The following OBP2A variants were observed in gnomAD, a reference collection of about 807,000 sequenced individuals.
OBP2A encodes the protein odorant-binding protein 2a.
A neutral mutation model predicts 21.9 loss-of-function variants in OBP2A; 15 were observed. That is an observed-to-expected ratio of 0.69 (90% confidence interval 0.46 to 1.06). The LOEUF (loss-of-function observed/expected upper bound fraction) is 1.06, where lower values mean the gene tolerates loss of function less well. OBP2A is among the 50% of genes least tolerant of loss of function. The pLI is 0.00. For missense variants in OBP2A, 192 were observed against 220.1 expected (o/e 0.87, Z 0.81); for synonymous variants, 86 against 91.8 (o/e 0.94, Z 0.36).
Position 135,547,942 on chromosome 9 carries a change from C to A in OBP2A, c.349C>A (p.Gln117Lys). Residue 117 changes from glutamine (Q) to lysine (K), a missense_variant, in exon 4 of 7, where the codon CAG becomes AAG. Physicochemically the swap from Gln to Lys is moderately conservative, Grantham distance 53 (BLOSUM62 1). Coordinates refer to ENST00000371776, the MANE Select transcript of OBP2A (RefSeq NM_014582.3). ...TDDYVFYCKD[Q>K]RRGGLRYMGK... ...CGACTACGTCTTTTACTGCAAAGAC[C>A]AGCGCCGTGGGGGCCTGCGCTACAT... 1.9e-6 allele frequency: 3 copies of A among 1,613,376 alleles called. No homozygotes were observed. The highest frequency in any genetic ancestry group is 2.5e-6 in the Non-Finnish European group (3 of 1,179,586).
At chr9:135,546,541 C>T (rs952973081) in intron 1 of OBP2A, among the ~76,000 whole-genome samples, 2 of 151,452 alleles carry the variant, frequency 1.3e-5, no homozygotes, top group Admixed American at 6.6e-5. Flanking sequence ...GTGCTGGGGC[C>T]CGGGGGTCCA....
chr9:135,548,035 A>T (rs1403426023), intron 4 of OBP2A, 54 bp downstream of exon 4: 3 of 1,304,928 alleles, frequency 2.3e-6, no homozygotes, highest in Non-Finnish European at 3.2e-6. Flanking sequence ...TGCCTCCAGA[A>T]GCCAGTGGAA....
rs751563569 is a variant in OBP2A, at chr9:135,547,265, C to T, written c.277+17C>T. On this transcript the variant is annotated intron_variant, in intron 3 of 6. Transcript: ENST00000371776. ...TCAGCGCCTGTGAGCCCCTCCCCGA[C>T]CCCCCACTCCCCATGCCCAACCCCG... 10 of 1,612,346 alleles carry T rather than the reference C, an allele frequency of 6.2e-6. No individual in the cohort carries two copies. The South Asian group carries it at 8.8e-5, about 14-fold the overall frequency.
chr9:135,548,630 C>G (rs777717993), intron 4 of OBP2A, 78 bp from the exon 5 acceptor site: 46 of 1,597,152 alleles, frequency 2.9e-5, no homozygotes, highest in Non-Finnish European at 3.8e-5. Context: ...GGGCCGTGGT[C>G]GTCTCCTTTT....
intron 5 of OBP2A, 59 bp from the exon 6 acceptor site, chr9:135,549,249 G>T: frequency 7.6e-7 from 1 of 1,324,230 alleles, no homozygotes; most frequent in Non-Finnish European, 1.1e-6. Flanking sequence ...GGCTGCGATG[G>T]GGTCTGGGCC....
At position 135,547,065 on chromosome 9, in the gene OBP2A, G is replaced by A. The variant is rs910438784; in HGVS notation, c.207-113G>A. The A allele has an allele frequency of 2.1e-5, 31 of 1,471,888 alleles. No individual in the cohort carries two copies. The African/African-American group carries it at 4.1e-4, about 19-fold the overall frequency. 91.2% of individuals were successfully genotyped at this position (1,471,888 alleles called of 1,614,324 possible). On this transcript the variant is annotated intron_variant, in intron 2 of 6. Coordinates refer to ENST00000371776, the MANE Select transcript of OBP2A (RefSeq NM_014582.3). Reference sequence around the variant, plus strand: ...CCAGGACATCCTGAAGCTCGGTGGGGTGGGGGGGCAGTGGAATTTTCAGGT... The same window carrying A: ...CCAGGACATCCTGAAGCTCGGTGGGATGGGGGGGCAGTGGAATTTTCAGGT...
chr9:135,549,780 C>G (rs1832074338), intron 6 of OBP2A, 57 bp from the exon 7 acceptor site: 2 of 1,212,018 alleles, frequency 1.7e-6, no homozygotes, highest in African/African-American at 3.1e-5. Context: ...GAGCTCTGGG[C>G]CTGGCCTCTG....
chr9:135,549,571 A>G lies in OBP2A; in HGVS notation c.*1+240A>G. ...TGAGGGTCCTCCTCGGCCTTTCCAC[A>G]GCGAGGCCTCCCTCCGGCTCCCTCA... On this transcript the variant is annotated intron_variant, in intron 6 of 6. Transcript: ENST00000371776. 3 of 597,402 alleles carry G rather than the reference A, an allele frequency of 5.0e-6. No individual in the cohort carries two copies. The South Asian group carries it at 6.2e-5, about 12-fold the overall frequency. 37.0% of individuals were successfully genotyped at this position (597,402 alleles called of 1,614,324 possible).
At chr9:135,546,700 T>C (rs1831941447) in intron 1 of OBP2A, 78 bp from the exon 2 acceptor site, 2 of 1,532,670 alleles carry the variant, frequency 1.3e-6, no homozygotes, top group South Asian at 1.3e-5. Flanking sequence ...TGTCTGGTTA[T>C]AGCTGCAGGC....
rs369099767 is a variant in OBP2A, at chr9:135,547,189, G to C, written c.218G>C (p.Arg73Pro). The C allele has an allele frequency of 4.3e-6, 7 of 1,612,502 alleles. No individual in the cohort carries two copies. In the South Asian group the frequency reaches 6.6e-5, roughly 15 times the overall value. Residue 73 changes from arginine (R) to proline (P), a missense_variant, in exon 3 of 7, where the codon CGG (arginine) becomes CCG (proline). Transcript: ENST00000371776. ...CTCCTGTTTTCCAGGAGGGAGGATC[G>C]GTGCATCCAGAAGAAAATCCTGATG... Reference protein sequence around the residue: ...EATFTFMREDRCIQKKILMRK... With the variant: ...EATFTFMREDPCIQKKILMRK...
chr9:135,549,736 G>A, intron 6 of OBP2A, 101 bp from the exon 7 acceptor site: 1 of 759,400 alleles, frequency 1.3e-6, no homozygotes, highest in Non-Finnish European at 2.1e-6. Context: ...CTGCCCAGCA[G>A]TGGCCGATGT....
chr9:135,547,316 A>G (rs1831967785), intron 3 of OBP2A, 68 bp downstream of exon 3: 1 of 1,529,468 alleles, frequency 6.5e-7, no homozygotes, highest in Non-Finnish European at 9.0e-7. Flanking sequence ...CTGCAGGTGG[A>G]GAGTGCCCAG....
intron 6 of OBP2A, chr9:135,549,559 C>G (rs769594199): frequency 8.3e-6 from 4 of 482,546 alleles, no homozygotes; most frequent in Admixed American, 4.0e-5. Flanking sequence ...GGGTCCTCCT[C>G]GGCCTTTCCA....
Position 135,547,744 on chromosome 9 carries a change from G to A in OBP2A, c.278-127G>A. 1.9e-5 allele frequency: 13 copies of A among 702,260 alleles called. 1 individual carries two copies. The South Asian group carries it at 2.2e-4, about 12-fold the overall frequency. 43.5% of individuals were successfully genotyped at this position (702,260 alleles called of 1,614,324 possible). On this transcript the variant is annotated intron_variant, in intron 3 of 6. Coordinates refer to ENST00000371776, the MANE Select transcript of OBP2A (RefSeq NM_014582.3). The stretch of plus-strand genomic sequence containing the variant: ...GGTCCATGCTGTGCGGAGCAGCCAG[G>A]CCTGGCTCAGGCTGTCCAGGGCACC...
intron 6 of OBP2A, 88 bp from the exon 7 acceptor site, chr9:135,549,749 A>G (rs548785337): frequency 3.0e-5 from 26 of 858,230 alleles, no homozygotes; most frequent in Admixed American, 6.0e-5. Flanking sequence ...GCCGATGTGG[A>G]AGCTGCAGAG....
chr9:135,547,653 T>C (rs1171679820), intron 3 of OBP2A, among the ~76,000 whole-genome samples: 2 of 152,238 alleles, frequency 1.3e-5, no homozygotes, highest in Non-Finnish European at 2.9e-5. Context: ...CTGGACGTGC[T>C]CTGGCCTTGT....
chr9:135,548,852 CTGTG>C, intron 5 of OBP2A, 43 bp downstream of exon 5: 1 of 1,597,886 alleles, frequency 6.3e-7, no homozygotes, highest in Non-Finnish European at 8.6e-7. Context: ...CCCTGTGTCT[CTGTG>C]TGATCTCCAG....
intron 4 of OBP2A, among the ~76,000 whole-genome samples, chr9:135,548,234 T>C (rs1432025348): frequency 6.6e-6 from 1 of 151,990 alleles, no homozygotes; most frequent in African/African-American, 2.4e-5. Context: ...GGGTCTCAGG[T>C]GTAGGGGCCT....
In OBP2A at chr9:135,549,341, C is replaced by G. The variant is rs891026075; in HGVS notation, c.*1+10C>G. The G allele has an allele frequency of 4.0e-6, 6 of 1,498,816 alleles. 2 individuals carry two copies. Among genetic ancestry groups the G allele is most frequent in the Admixed American group, 3.5e-5 (2 of 57,084 alleles). 92.8% of individuals were successfully genotyped at this position (1,498,816 alleles called of 1,614,324 possible). On this transcript the variant is annotated intron_variant, in intron 6 of 6. Transcript: ENST00000371776. ...GTTCTCGAACACTAGGGTGAGTGAGCCTTTAGGAGGGCACTGGACAAGCCC... is the reference window on the plus strand; with the variant it reads ...GTTCTCGAACACTAGGGTGAGTGAGGCTTTAGGAGGGCACTGGACAAGCCC...
Sources: allele counts gnomAD v4.1 joint callset (sites outside exome capture counted in the v4.1 genomes callset), GRCh38; gene constraint gnomAD v4.1.1; transcripts MANE v1.5; gene names NCBI Gene and HGNC (gene_info 2026-07-23, HGNC 2026-07-21).